CYB5R3: variants seen among roughly 807,000 people sequenced by gnomAD.
The protein encoded by CYB5R3 is cytochrome b5 reductase 3, also known as NADH-cytochrome b5 reductase 3.
CYB5R3 carries 28 observed loss-of-function variants against 36.5 expected under a neutral mutation model. The ratio of observed to expected loss-of-function variants is 0.77; its 90% CI spans 0.57 to 1.05. The LOEUF is 1.05. Among genes scored for constraint, CYB5R3 ranks in the 50% least tolerant of loss-of-function variants. The pLI is 0.00. For synonymous variants in CYB5R3, 181 were observed against 159.8 expected (o/e 1.13, Z -1.00); for missense variants, 474 against 408.9 (o/e 1.16, Z -1.37).
chr22:42,632,559 G>A (rs1569321809), intron 2 of CYB5R3: 1 of 152,392 alleles, frequency 6.6e-6, no homozygotes, highest in Admixed American at 6.5e-5. Flanking sequence ...GGTGTGCAGG[G>A]GGCCCACCAA....
chr22:42,636,343 C>G (rs921867167), intron 2 of CYB5R3, among the ~76,000 whole-genome samples: 5 of 152,124 alleles, frequency 3.3e-5, no homozygotes, highest in Non-Finnish European at 7.3e-5. Flanking sequence ...TCCAGTAGTA[C>G]CAGGCTGTGG....
intron 1 of CYB5R3, among the ~76,000 whole-genome samples, chr22:42,639,323 CAAA>C (rs58708895): frequency 6.0e-5 from 7 of 116,738 alleles, no homozygotes; most frequent in African/African-American, 3.2e-5. Flanking sequence ...GACTCTGTCT[CAAA>C]AAAAAAAAAA....
At chr22:42,634,107 T>C (rs897856073) in intron 2 of CYB5R3, among the ~76,000 whole-genome samples, 1 of 151,954 alleles carries the variant, frequency 6.6e-6, no homozygotes, top group South Asian at 2.1e-4. Context: ...ATTCGAGCAC[T>C]TTGAGAGGCC....
intron 8 of CYB5R3, among the ~76,000 whole-genome samples, chr22:42,622,779 C>G (rs571956421): frequency 3.9e-5 from 6 of 152,234 alleles, no homozygotes; most frequent in Non-Finnish European, 8.8e-5. Flanking sequence ...GTGTGCGCCC[C>G]CCACCATGGA....
chr22:42,624,178 T>C (rs1928140835), intron 7 of CYB5R3, among the ~76,000 whole-genome samples: 1 of 151,268 alleles, frequency 6.6e-6, no homozygotes, highest in Non-Finnish European at 1.5e-5. Flanking sequence ...GTGGGAAAAA[T>C]GGAAAAAACT....
At position 42,630,875 on chromosome 22, in the gene CYB5R3, G is replaced by A. The variant is rs375618769; in HGVS notation, c.333+7C>T. 1 of 1,609,134 alleles carries A rather than the reference G, an allele frequency of 6.2e-7. No individual in the cohort carries two copies. Among genetic ancestry groups the A allele is most frequent in the African/African-American group, 1.3e-5 (1 of 74,862 alleles). On this transcript the variant is annotated splice_region_variant and intron_variant, in intron 4 of 8. Coordinates refer to ENST00000352397, the MANE Select transcript of CYB5R3 (RefSeq NM_000398.7). ...CCCCCTCCACAGTCATGACCCAGAG[G>A]CTTCACCTTGATGACCAGGTCCACG...
chr22:42,621,621 T>C (rs751153), intron 8 of CYB5R3, among the ~76,000 whole-genome samples: 6,605 of 152,368 alleles, frequency 0.043, 494 homozygotes, highest in African/African-American at 0.15. Flanking sequence ...CGAAAAATGC[T>C]AGGAGATCAC....
chr22:42,623,887 G>A lies in CYB5R3; in HGVS notation c.635C>T (p.Thr212Ile), dbSNP rs1363670012. Residue 212 changes from threonine (T) to isoleucine (I), a missense_variant and splice_region_variant, in exon 8 of 9, where the codon ACC (threonine) becomes ATC (isoleucine). Coordinates refer to ENST00000352397, the MANE Select transcript of CYB5R3 (RefSeq NM_000398.7). ...TVCHLLFANQ[T>I]EKDILLRPEL... ...AGGTCGCAGCAGGATGTCCTTCTCG[G>A]TCTGCAGGGGACAGGGCCAGGCAGT... 1.2e-6 allele frequency: 2 copies of A among 1,613,768 alleles called. No individual in the cohort carries two copies. The highest frequency in any genetic ancestry group is 3.3e-5 in the Admixed American group (2 of 60,000).
intron 2 of CYB5R3, 164 bp from the exon 3 acceptor site, chr22:42,631,614 C>T: frequency 1.5e-6 from 1 of 687,290 alleles, no homozygotes; most frequent in Non-Finnish European, 2.6e-6. Context: ...CACAGATGCA[C>T]ACACATGCAC....
chr22:42,623,569 G>A (rs927487553), intron 8 of CYB5R3, among the ~76,000 whole-genome samples: 1 of 152,200 alleles, frequency 6.6e-6, no homozygotes, highest in Non-Finnish European at 1.5e-5. Flanking sequence ...CTCTGGAGGC[G>A]AGGACCTGGG....
Position 42,649,352 on chromosome 22 carries a change from C to T in CYB5R3, c.-37G>A, listed in dbSNP as rs954898100. Reference sequence around the variant, plus strand: ...GCCGCGCTCGCTCTGTCGCCGCCGCCGCCGCCGCCGAGACCGTCGCGCCCG... The same window carrying T: ...GCCGCGCTCGCTCTGTCGCCGCCGCTGCCGCCGCCGAGACCGTCGCGCCCG... On this transcript the variant is annotated 5_prime_UTR_variant, in exon 1 of 9. Coordinates refer to ENST00000352397, the MANE Select transcript of CYB5R3 (RefSeq NM_000398.7). 1 of 897,994 alleles carries T rather than the reference C, an allele frequency of 1.1e-6. No individual in the cohort carries two copies. The highest frequency in any genetic ancestry group is 1.4e-6 in the Non-Finnish European group (1 of 735,356). The allele number at this position is 897,994 out of a possible 1,614,324, so 55.6% of individuals were successfully genotyped here.
Position 42,644,352 on chromosome 22 carries a change from T to C in CYB5R3, c.21+4943A>G, listed in dbSNP as rs534064123. 2.0e-5 allele frequency: 14 copies of C among 704,090 alleles called. No individual in the cohort carries two copies. The African/African-American group carries it at 2.3e-4, about 11-fold the overall frequency. 43.6% of individuals were successfully genotyped at this position (704,090 alleles called of 1,614,324 possible). ...CCACCATAGCTCCCCACTGCCTACC[T>C]GAAGGCACCCTCTCTATGGCCCCAA... On this transcript the variant is annotated intron_variant, in intron 1 of 8. Coordinates refer to ENST00000352397, the MANE Select transcript of CYB5R3 (RefSeq NM_000398.7).
intron 1 of CYB5R3, chr22:42,646,576 G>A (rs1020834841): frequency 6.7e-6 from 6 of 901,246 alleles, no homozygotes; most frequent in South Asian, 5.1e-5. Flanking sequence ...TGGCAGGCCC[G>A]GTCCTCCCCA....
In CYB5R3 at chr22:42,628,135, A is replaced by G; in HGVS notation, c.463+17T>C. The G allele has an allele frequency of 6.2e-7, 1 of 1,613,734 alleles. No individual in the cohort carries two copies. Among genetic ancestry groups the G allele is most frequent in the South Asian group, 1.1e-5 (1 of 91,056 alleles). ...TCTGAGCCTGCCGTGTAACCAAGGGATTCCGACCCGAATCACCTTTGCCCT... is the reference window on the plus strand; with the variant it reads ...TCTGAGCCTGCCGTGTAACCAAGGGGTTCCGACCCGAATCACCTTTGCCCT... On this transcript the variant is annotated intron_variant, in intron 5 of 8. Coordinates refer to ENST00000352397, the MANE Select transcript of CYB5R3 (RefSeq NM_000398.7).
intron 3 of CYB5R3, 115 bp downstream of exon 3, chr22:42,631,260 ACCT>A: frequency 9.3e-7 from 1 of 1,077,532 alleles, no homozygotes; most frequent in Non-Finnish European, 1.3e-6. Context: ...GGCAGCTGTC[ACCT>A]CCTCCTGAAG....
intron 2 of CYB5R3, 159 bp from the exon 3 acceptor site, chr22:42,631,609 A>G (rs558205807): frequency 2.3e-5 from 16 of 683,610 alleles, no homozygotes; most frequent in African/African-American, 2.3e-4. Context: ...CCAAGCACAG[A>G]TGCACACACA....
chr22:42,634,944 A>G (rs111896009), intron 2 of CYB5R3, among the ~76,000 whole-genome samples: 1,785 of 149,776 alleles, frequency 0.012, 42 homozygotes, highest in African/African-American at 0.042. Context: ...AGCTGGGACT[A>G]CAGGTGCCTG....
chr22:42,622,356 A>G (rs1047358783), intron 8 of CYB5R3, among the ~76,000 whole-genome samples: 1 of 151,750 alleles, frequency 6.6e-6, no homozygotes, highest in African/African-American at 2.4e-5. Flanking sequence ...ACCGCGCTAT[A>G]ATTTACTAAG....
chr22:42,642,579 C>T (rs1929337282), intron 1 of CYB5R3, among the ~76,000 whole-genome samples: 1 of 152,228 alleles, frequency 6.6e-6, no homozygotes, highest in East Asian at 1.9e-4. Flanking sequence ...GCTGGGACTA[C>T]AGGCGTTCGC....
Sources: allele counts gnomAD v4.1 joint callset (sites outside exome capture counted in the v4.1 genomes callset), GRCh38; gene constraint gnomAD v4.1.1; transcripts MANE v1.5; gene names NCBI Gene and HGNC (gene_info 2026-07-23, HGNC 2026-07-21).